RNF130: variants seen among roughly 807,000 people sequenced by gnomAD.
RNF130 encodes the protein E3 ubiquitin-protein ligase RNF130.
RNF130 carries 21 observed loss-of-function variants against 44.6 expected under a neutral mutation model. That is an observed-to-expected ratio of 0.47 (90% CI 0.33 to 0.68). The LOEUF (loss-of-function observed/expected upper bound fraction) is 0.68, where lower values mean the gene tolerates loss of function less well. Ranked by LOEUF, RNF130 falls within the 30% of genes least tolerant of loss-of-function variation. RNF130 has a pLI of 0.02. For missense variants in RNF130, 479 were observed against 560.6 expected, an observed-to-expected ratio of 0.85 and a Z score of 1.47; for synonymous variants, 214 against 210.4, an observed-to-expected ratio of 1.02 and a Z score of -0.15.
chr5:179,962,555 G>A (rs1762357201), intron 8 of RNF130, among the ~76,000 whole-genome samples: 2 of 152,116 alleles, frequency 1.3e-5, no homozygotes. Flanking sequence ...TCTCTAATTA[G>A]TTTTCATGAA....
chr5:179,922,169 T>A (rs960222785), intron 7 of RNF130, among the ~76,000 whole-genome samples: 3 of 151,882 alleles, frequency 2.0e-5, no homozygotes, highest in Non-Finnish European at 4.4e-5. Flanking sequence ...AGCTTCTCAT[T>A]GTGGTTTTAA....
At chr5:180,018,517 G>A (rs1005925474) in intron 2 of RNF130, among the ~76,000 whole-genome samples, 4 of 152,054 alleles carry the variant, frequency 2.6e-5, no homozygotes, top group Non-Finnish European at 4.4e-5. Flanking sequence ...AATGACCTCC[G>A]CCTGGTCCCA....
At chr5:180,010,372 T>C (rs564671800) in intron 3 of RNF130, among the ~76,000 whole-genome samples, 1 of 152,268 alleles carries the variant, frequency 6.6e-6, no homozygotes, top group East Asian at 1.9e-4. Context: ...TTTTCTTTAT[T>C]TTTTTGAAAC....
intron 6 of RNF130, among the ~76,000 whole-genome samples, chr5:179,967,948 A>G (rs527441007): frequency 2.0e-5 from 3 of 152,370 alleles, no homozygotes; most frequent in Admixed American, 2.0e-4. Context: ...CCTGCAATAC[A>G]TTTTAGGAGG....
intron 3 of RNF130, among the ~76,000 whole-genome samples, chr5:179,998,859 T>C (rs1697036): frequency 1.1e-5 from 1 of 88,732 alleles, no homozygotes; most frequent in Non-Finnish European, 2.3e-5. Flanking sequence ...CTAGTATTTT[T>C]TATATATATA....
At chr5:180,070,439 C>T (rs6894363) in intron 1 of RNF130, among the ~76,000 whole-genome samples, 2 of 152,190 alleles carry the variant, frequency 1.3e-5, no homozygotes, top group Non-Finnish European at 2.9e-5. Flanking sequence ...AGCACTTTGG[C>T]ATACAAATAC....
At chr5:179,975,339 G>C (rs768877307) in intron 5 of RNF130, among the ~76,000 whole-genome samples, 5 of 152,186 alleles carry the variant, frequency 3.3e-5, no homozygotes, top group African/African-American at 1.2e-4. Context: ...GGCAGTTTTG[G>C]TTGTCACAAC....
chr5:179,927,279 T>C (rs1356489528), intron 7 of RNF130, among the ~76,000 whole-genome samples: 3 of 152,206 alleles, frequency 2.0e-5, no homozygotes, highest in African/African-American at 7.2e-5. Context: ...CACATAATTT[T>C]TGACACCTGG....
chr5:180,057,667 C>T (rs769452963), intron 1 of RNF130, among the ~76,000 whole-genome samples: 4 of 152,176 alleles, frequency 2.6e-5, no homozygotes, highest in East Asian at 1.9e-4. Flanking sequence ...CGCAATACCG[C>T]GACAGAAGCT....
intron 1 of RNF130, among the ~76,000 whole-genome samples, chr5:180,045,569 T>C (rs1025204054): frequency 5.3e-5 from 8 of 152,156 alleles, no homozygotes; most frequent in Non-Finnish European, 8.8e-5. Context: ...CCTGCTTTTA[T>C]TCCCTTATCT....
chr5:179,927,584 GT>G (rs1761722842), intron 7 of RNF130, among the ~76,000 whole-genome samples: 1 of 134,802 alleles, frequency 7.4e-6, no homozygotes. Context: ...GTTTAGCTTT[GT>G]CTTTTTTTTT....
chr5:179,997,253 C>T (rs1205854355), intron 3 of RNF130, among the ~76,000 whole-genome samples: 12 of 151,670 alleles, frequency 7.9e-5, no homozygotes, highest in Non-Finnish European at 7.4e-5. Flanking sequence ...GTGATTCTTC[C>T]ATCTCAGCCT....
intron 1 of RNF130, among the ~76,000 whole-genome samples, chr5:180,063,259 A>G (rs1435669877): frequency 1.3e-5 from 2 of 152,244 alleles, no homozygotes; most frequent in African/African-American, 2.4e-5. Context: ...AGGAAATGAT[A>G]GTTGCCTGAA....
intron 1 of RNF130, among the ~76,000 whole-genome samples, chr5:180,063,705 C>T (rs1428036947): frequency 1.3e-5 from 2 of 152,102 alleles, no homozygotes; most frequent in Non-Finnish European, 2.9e-5. Flanking sequence ...GTTAAGTGCC[C>T]ATTTGGTTTT....
At chr5:179,994,043 T>C (rs1763151007) in intron 3 of RNF130, among the ~76,000 whole-genome samples, 1 of 152,282 alleles carries the variant, frequency 6.6e-6, no homozygotes, top group South Asian at 2.1e-4. Context: ...TGTAGATGTG[T>C]GGTATTATTT....
chr5:179,931,940 C>G (rs2113676607), intron 7 of RNF130, among the ~76,000 whole-genome samples: 1 of 152,304 alleles, frequency 6.6e-6, no homozygotes, highest in South Asian at 2.1e-4. Flanking sequence ...CAAACCACTT[C>G]CCAGTTTTCC....
At chr5:179,941,149 GTTCT>G (rs1189372425) in intron 7 of RNF130, among the ~76,000 whole-genome samples, 6 of 152,188 alleles carry the variant, frequency 3.9e-5, no homozygotes, top group East Asian at 1.9e-4. Flanking sequence ...ATCTATTTCT[GTTCT>G]TTGTTTTTTC....
chr5:179,925,479 G>A (rs1407382722), intron 7 of RNF130, among the ~76,000 whole-genome samples: 3 of 152,140 alleles, frequency 2.0e-5, no homozygotes, highest in South Asian at 2.1e-4. Flanking sequence ...TGGAACTAGA[G>A]AAGCATGGCT....
At chr5:179,933,120 G>A (rs891310983) in intron 7 of RNF130, among the ~76,000 whole-genome samples, 6 of 152,162 alleles carry the variant, frequency 3.9e-5, no homozygotes, top group African/African-American at 1.4e-4. Flanking sequence ...ATCCACAGAA[G>A]GACTTGGGAA....
Sources: allele counts gnomAD v4.1 joint callset (sites outside exome capture counted in the v4.1 genomes callset), GRCh38; gene constraint gnomAD v4.1.1; transcripts MANE v1.5; gene names NCBI Gene and HGNC (gene_info 2026-07-23, HGNC 2026-07-21).